Variants in WAPL observed in about 807,000 individuals in gnomAD.
The protein encoded by WAPL is wings apart-like protein homolog.
Under a neutral mutation model 121.0 loss-of-function variants are expected in WAPL, and 5 were observed. The observed-to-expected ratio is 0.04, with a 90% CI of 0.02 to 0.09. The LOEUF is 0.09. Ranked by LOEUF, WAPL falls within the 10% of genes least tolerant of loss-of-function variation. The pLI, the probability that WAPL is intolerant of heterozygous loss-of-function variation, is 1.00. For missense variants in WAPL, 999 were observed against 1,410.8 expected (o/e 0.71, Z 4.68); for synonymous variants, 480 against 481.5 (o/e 1.00, Z 0.04).
At chr10:86,513,257 C>T (rs1842498899) in intron 2 of WAPL, among the ~76,000 whole-genome samples, 1 of 151,880 alleles carries the variant, frequency 6.6e-6, no homozygotes, top group Non-Finnish European at 1.5e-5. Context: ...CTCGGCCTCC[C>T]AAAGTGCTGG....
chr10:86,507,817 C>T (rs1463824364), intron 2 of WAPL, among the ~76,000 whole-genome samples: 1 of 151,910 alleles, frequency 6.6e-6, no homozygotes. Context: ...AGTATACTAA[C>T]CCCTTTCTCC....
chr10:86,491,870 C>CTG (rs1411105830), intron 4 of WAPL, among the ~76,000 whole-genome samples: 1 of 152,108 alleles, frequency 6.6e-6, no homozygotes, highest in African/African-American at 2.4e-5. Flanking sequence ...TCCAGTTACC[C>CTG]TGTGTGTGTG....
intron 4 of WAPL, among the ~76,000 whole-genome samples, chr10:86,495,141 T>C (rs1842125208): frequency 6.6e-6 from 1 of 152,162 alleles, no homozygotes; most frequent in Admixed American, 6.5e-5. Flanking sequence ...AACAAAACAC[T>C]ATAACAAGCT....
At chr10:86,476,091 C>A (rs1841645248) in intron 4 of WAPL, among the ~76,000 whole-genome samples, 1 of 152,252 alleles carries the variant, frequency 6.6e-6, no homozygotes, top group African/African-American at 2.4e-5. Flanking sequence ...CTAGGCCGGG[C>A]ACGGTGGCTT....
At chr10:86,470,209 T>C (rs1841506276) in intron 8 of WAPL, among the ~76,000 whole-genome samples, 1 of 152,026 alleles carries the variant, frequency 6.6e-6, no homozygotes, top group East Asian at 1.9e-4. Context: ...ATTTTTTGTA[T>C]TTTTAGTAGA....
At chr10:86,439,737 CAGTAAGTGCTCTGA>C (rs1215407706) in intron 17 of WAPL, among the ~76,000 whole-genome samples, 1 of 152,178 alleles carries the variant, frequency 6.6e-6, no homozygotes, top group Non-Finnish European at 1.5e-5. Flanking sequence ...GCTACGTGAT[CAGTAAGTGCTCTGA>C]AGTAAGTTAG....
chr10:86,517,661 C>T lies in WAPL; in HGVS notation c.409G>A (p.Glu137Lys), dbSNP rs756161333. The T allele has an allele frequency of 1.5e-5, 25 of 1,613,994 alleles. No homozygotes were observed. Among genetic ancestry groups the T allele is most frequent in the Non-Finnish European group, 2.0e-5 (24 of 1,180,028 alleles). ...TTTTCTTTCCCAAGTAAAGTGTCCT[C>T]CAAAGGGAAGCATTTATCAGAAACG... ...TVVSDKCFPL[E>K]DTLLGKEKST... Residue 137 changes from glutamate to lysine, a missense_variant, in exon 2 of 19, where the codon GAG becomes AAG. Glu to Lys is a moderately conservative substitution (Grantham distance 56). This residue lies in a region of WAPL where 531 missense variants were observed against 563.1 expected (regional missense o/e 0.94). Transcript: ENST00000298767.
At chr10:86,496,896 A>G (rs910287094) in intron 4 of WAPL, among the ~76,000 whole-genome samples, 9 of 152,202 alleles carry the variant, frequency 5.9e-5, no homozygotes, top group African/African-American at 2.2e-4. Flanking sequence ...TGGGGGAGGA[A>G]GTTATTGGTT....
chr10:86,510,378 C>A (rs552173479), intron 2 of WAPL, among the ~76,000 whole-genome samples: 1 of 152,156 alleles, frequency 6.6e-6, no homozygotes, highest in South Asian at 2.1e-4. Context: ...GGCTGTCTGG[C>A]TTCAAGTTCT....
intron 9 of WAPL, among the ~76,000 whole-genome samples, chr10:86,465,567 C>T (rs779505605): frequency 1.4e-4 from 22 of 152,278 alleles, no homozygotes; most frequent in Non-Finnish European, 2.9e-4. Context: ...CCCATTGATC[C>T]TAGTGTAAAA....
At chr10:86,506,121 A>C (rs1842344218) in intron 2 of WAPL, among the ~76,000 whole-genome samples, 1 of 152,156 alleles carries the variant, frequency 6.6e-6, no homozygotes, top group South Asian at 2.1e-4. Flanking sequence ...CGTGGTCCCA[A>C]CTTCTCAGGA....
Position 86,453,758 on chromosome 10 carries a change from T to G in WAPL, c.2731A>C (p.Lys911Gln). The G allele has an allele frequency of 6.2e-7, 1 of 1,614,204 alleles. No individual in the cohort carries two copies. The highest frequency in any genetic ancestry group is 8.5e-7 in the Non-Finnish European group (1 of 1,180,036). Residue 911 changes from lysine to glutamine, a missense_variant, in exon 13 of 19, where the codon AAG becomes CAG. By Grantham distance (53) the Lys-to-Gln change is moderately conservative. Around this residue, in one of 7 missense-constraint regions of WAPL, gnomAD observed 85 missense variants for 133.5 expected, o/e 0.64. Coordinates refer to ENST00000298767, the MANE Select transcript of WAPL (RefSeq NM_015045.5). Reference protein sequence around the residue: ...AEDSICLADSKPLPHQNVTNH... With the variant: ...AEDSICLADSQPLPHQNVTNH... Reference sequence around the variant, plus strand: ...GTTACATTCTGGTGAGGCAGAGGCTTACTGTCAGCTAAGCATATGCTGTCC... The same window carrying G: ...GTTACATTCTGGTGAGGCAGAGGCTGACTGTCAGCTAAGCATATGCTGTCC...
At chr10:86,508,119 G>T (rs1309903095) in intron 2 of WAPL, among the ~76,000 whole-genome samples, 6 of 152,142 alleles carry the variant, frequency 3.9e-5, no homozygotes, top group Non-Finnish European at 8.8e-5. Flanking sequence ...CTTCAACTAA[G>T]GCCTCAATAA....
At chr10:86,516,583 TAG>T (rs1842560271) in intron 2 of WAPL, among the ~76,000 whole-genome samples, 2 of 152,254 alleles carry the variant, frequency 1.3e-5, no homozygotes, top group South Asian at 4.2e-4. Flanking sequence ...CTAATGCTGA[TAG>T]AGTGCTCCCA....
At chr10:86,438,814 T>A (rs1362422300) in intron 17 of WAPL, among the ~76,000 whole-genome samples, 1 of 152,224 alleles carries the variant, frequency 6.6e-6, no homozygotes, top group Admixed American at 6.5e-5. Context: ...CTATGATAGA[T>A]TCTCAGACAA....
chr10:86,507,816 ACCCCTTTCT>A (rs762017585), intron 2 of WAPL, among the ~76,000 whole-genome samples: 6 of 151,740 alleles, frequency 4.0e-5, no homozygotes, highest in Non-Finnish European at 7.4e-5. Flanking sequence ...CAGTATACTA[ACCCCTTTCT>A]CCCCTTTCTC....
At chr10:86,444,733 T>C (rs192150577) in intron 16 of WAPL, among the ~76,000 whole-genome samples, 55 of 151,852 alleles carry the variant, frequency 3.6e-4, no homozygotes, top group Middle Eastern at 6.8e-3. Context: ...ATAAAAACAA[T>C]ATTTGGAATT....
intron 9 of WAPL, among the ~76,000 whole-genome samples, chr10:86,463,118 A>G (rs182100887): frequency 6.6e-6 from 1 of 152,350 alleles, no homozygotes; most frequent in East Asian, 1.9e-4. Context: ...AGCACAGCCA[A>G]ATCACTAATC....
chr10:86,486,842 G>A (rs1349735419), intron 4 of WAPL, among the ~76,000 whole-genome samples: 1 of 152,040 alleles, frequency 6.6e-6, no homozygotes, highest in African/African-American at 2.4e-5. Flanking sequence ...TATAGTCCCA[G>A]CTACCCTAGA....
Sources: gnomAD v4.1 joint callset for allele counts (sites outside exome capture counted in the v4.1 genomes callset) on GRCh38, gnomAD v4.1.1 for gene constraint, gnomAD v4.1.1 regional missense constraint, MANE v1.5 for transcripts, NCBI Gene and HGNC (gene_info 2026-07-23, HGNC 2026-07-21) for gene names.